The following SMARCA2 variants were observed in gnomAD, a reference collection of about 807,000 sequenced individuals.
SMARCA2 encodes SWI/SNF-related matrix-associated actin-dependent regulator of chromatin subfamily A member 2.
In SMARCA2, 61 loss-of-function variants were observed where a neutral mutation model predicts 199.8. The observed-to-expected ratio is 0.31, with a 90% CI of 0.25 to 0.38. The LOEUF (loss-of-function observed/expected upper bound fraction) is 0.38, where lower values mean the gene tolerates loss of function less well. Ranked by LOEUF, SMARCA2 falls within the 10% of genes least tolerant of loss-of-function variation. The pLI, the probability that SMARCA2 is intolerant of heterozygous loss-of-function variation, is 1.00. For synonymous variants in SMARCA2, 935 were observed against 732.0 expected, an observed-to-expected ratio of 1.28 and a Z score of -4.48; for missense variants, 1,344 against 2,012.2, an observed-to-expected ratio of 0.67 and a Z score of 6.35.
intron 5 of SMARCA2, among the ~76,000 whole-genome samples, chr9:2,052,748 A>C (rs1048417287): frequency 1.3e-5 from 2 of 152,166 alleles, no homozygotes; most frequent in African/African-American, 4.8e-5. Flanking sequence ...TATTTGGGCT[A>C]TATGAAGTAT....
intron 27 of SMARCA2, among the ~76,000 whole-genome samples, chr9:2,150,726 T>C (rs1174615014): frequency 6.6e-6 from 1 of 151,548 alleles, no homozygotes; most frequent in Non-Finnish European, 1.5e-5. Flanking sequence ...TACCACAGAT[T>C]GGTGGTTTAA....
At chr9:2,177,149 T>G (rs73641008) in intron 29 of SMARCA2, among the ~76,000 whole-genome samples, 3 of 152,146 alleles carry the variant, frequency 2.0e-5, no homozygotes, top group African/African-American at 7.2e-5. Context: ...TTAAACTTCA[T>G]AGGAACCTGA....
In SMARCA2 at chr9:2,098,871, C is replaced by T. The variant is rs927108767; in HGVS notation, c.3078+1400C>T. Among the ~76,000 whole-genome samples the T allele has an allele frequency of 7.3e-5, 11 of 151,268 alleles. No individual in the cohort carries two copies. In the East Asian group the frequency reaches 1.4e-3, roughly 19 times the overall value. ...CTTAGGAAAGAGAATTGCTTGAACCCGGGAGGTGGAGGTTGCAGTGAGCCG... is the reference window on the plus strand; with the variant it reads ...CTTAGGAAAGAGAATTGCTTGAACCTGGGAGGTGGAGGTTGCAGTGAGCCG... On this transcript the variant is annotated intron_variant, in intron 21 of 33. Transcript: ENST00000349721.
At chr9:2,090,640 C>G (rs1239365718) in intron 19 of SMARCA2, among the ~76,000 whole-genome samples, 1 of 152,140 alleles carries the variant, frequency 6.6e-6, no homozygotes, top group Non-Finnish European at 1.5e-5. Flanking sequence ...CTACCATATT[C>G]CTTATTTTCC....
At chr9:2,163,878 C>T (rs893054490) in intron 28 of SMARCA2, among the ~76,000 whole-genome samples, 19 of 151,982 alleles carry the variant, frequency 1.3e-4, no homozygotes, top group Admixed American at 3.3e-4. Flanking sequence ...CCAACAGATT[C>T]GTTTGGTTTT....
At chr9:2,188,755 T>C (rs1180947711) in intron 32 of SMARCA2, among the ~76,000 whole-genome samples, 1 of 152,234 alleles carries the variant, frequency 6.6e-6, no homozygotes. Context: ...CTAAGATCAA[T>C]GTGTCAGCAG....
intron 29 of SMARCA2, among the ~76,000 whole-genome samples, chr9:2,174,924 CAAAAAAAAAAAAAAAAA>C (rs61327057): frequency 1.6e-5 from 1 of 62,320 alleles, no homozygotes; most frequent in Non-Finnish European, 2.8e-5. Flanking sequence ...GACCCTCTCT[CAAAAAAAAAAAAAAAAA>C]AAAAAAAAAA....
At chr9:2,105,325 A>T (rs1822704527) in intron 23 of SMARCA2, among the ~76,000 whole-genome samples, 1 of 151,910 alleles carries the variant, frequency 6.6e-6, no homozygotes, top group Non-Finnish European at 1.5e-5. Flanking sequence ...AGCTTACTGC[A>T]ACTTCTGCCA....
intron 1 of SMARCA2, among the ~76,000 whole-genome samples, chr9:2,020,618 G>A (rs1341186930): frequency 6.6e-6 from 1 of 152,108 alleles, no homozygotes; most frequent in Non-Finnish European, 1.5e-5. Context: ...ACCTGGGCTG[G>A]CAAAACTGCA....
At chr9:2,182,869 C>T (rs1586808535) in intron 31 of SMARCA2, among the ~76,000 whole-genome samples, 2 of 151,962 alleles carry the variant, frequency 1.3e-5, no homozygotes, top group African/African-American at 2.4e-5. Flanking sequence ...CGGCTCACTG[C>T]AACTTCCACC....
rs1235908856 is a variant in SMARCA2 at position 2,086,166 on chromosome 9, T to C, written c.2527-663T>C. 6.6e-6 allele frequency: 1 copy of C among 152,590 alleles called. No individual in the cohort carries two copies. The highest frequency in any genetic ancestry group is 1.5e-5 in the Non-Finnish European group (1 of 68,352). The allele number at this position is 152,590 out of a possible 1,614,324, so 9.5% of individuals were successfully genotyped here. A position where few individuals can be genotyped will look rare whatever the true frequency, so the allele number is the denominator to read the frequency against. On this transcript the variant is annotated intron_variant, in intron 17 of 33. Transcript: ENST00000349721. The surrounding 1 kb of genome is among the most constrained non-coding windows in gnomAD (Gnocchi z 4.3). ...GGTCCTAGATCTGGCAGGTAAGGAA[T>C]GTGCGTGTATTGAGGGAGCTTCGTT... is the stretch of plus-strand genomic sequence containing the variant.
At chr9:2,130,374 G>C (rs1431981633) in intron 27 of SMARCA2, among the ~76,000 whole-genome samples, 1 of 152,154 alleles carries the variant, frequency 6.6e-6, no homozygotes, top group South Asian at 2.1e-4. Context: ...TGGTTAAGGC[G>C]ATAGATGAGA....
intron 3 of SMARCA2, among the ~76,000 whole-genome samples, chr9:2,038,654 G>T (rs1819438948): frequency 6.6e-6 from 1 of 152,070 alleles, no homozygotes; most frequent in Non-Finnish European, 1.5e-5. Flanking sequence ...GCAGCAGCTG[G>T]CTTGAAAATA....
At chr9:2,046,537 A>G (rs1388098778) in intron 4 of SMARCA2, among the ~76,000 whole-genome samples, 1 of 152,194 alleles carries the variant, frequency 6.6e-6, no homozygotes, top group Non-Finnish European at 1.5e-5. Context: ...CACTGATTAA[A>G]CCTGAAATAT....
intron 28 of SMARCA2, among the ~76,000 whole-genome samples, chr9:2,167,911 C>T (rs1337063645): frequency 6.6e-6 from 1 of 152,032 alleles, no homozygotes; most frequent in African/African-American, 2.4e-5. Context: ...CTGGGGAATT[C>T]AGGGAAGTAG....
intron 9 of SMARCA2, among the ~76,000 whole-genome samples, chr9:2,064,536 T>G (rs964570773): frequency 2.0e-5 from 3 of 152,248 alleles, no homozygotes; most frequent in Non-Finnish European, 2.9e-5. Context: ...ACAAATGTCT[T>G]TTTAAACCTT....
At chr9:2,131,954 G>GA (rs991619040) in intron 27 of SMARCA2, among the ~76,000 whole-genome samples, 6 of 145,602 alleles carry the variant, frequency 4.1e-5, no homozygotes, top group South Asian at 4.3e-4. Flanking sequence ...AAAAAAAAAG[G>GA]AAAAAAAAAT....
intron 11 of SMARCA2, 65 bp from the exon 12 acceptor site, chr9:2,073,501 G>C: frequency 6.8e-7 from 1 of 1,475,082 alleles, no homozygotes; most frequent in Non-Finnish European, 9.4e-7. Context: ...TAAGTCATGT[G>C]TGTCTTTATT....
At chr9:2,050,784 T>C (rs1820083809) in intron 5 of SMARCA2, among the ~76,000 whole-genome samples, 1 of 152,226 alleles carries the variant, frequency 6.6e-6, no homozygotes, top group Non-Finnish European at 1.5e-5. Context: ...AATGTACCAG[T>C]GTCATTTTCT....
Sources: gnomAD v4.1 joint callset for allele counts (sites outside exome capture counted in the v4.1 genomes callset) on GRCh38, gnomAD v4.1.1 for gene constraint, Gnocchi (gnomAD v3.1) non-coding constraint, MANE v1.5 for transcripts, NCBI Gene and HGNC (gene_info 2026-07-23, HGNC 2026-07-21) for gene names.